The following SLC8A1 variants were observed in gnomAD, a reference collection of about 807,000 sequenced individuals.
SLC8A1 encodes sodium/calcium exchanger 1.
In SLC8A1, 18 loss-of-function variants were observed where a neutral mutation model predicts 68.3. The observed-to-expected ratio is 0.26, with a 90% confidence interval of 0.18 to 0.39. The LOEUF (loss-of-function observed/expected upper bound fraction) is 0.39, where lower values mean the gene tolerates loss of function less well. Among genes scored for constraint, SLC8A1 ranks in the 10% least tolerant of loss-of-function variants. The pLI is 1.00. For synonymous variants in SLC8A1, 475 were observed against 415.5 expected, an observed-to-expected ratio of 1.14 and a Z score of -1.74; for missense variants, 985 against 1,156.7, an observed-to-expected ratio of 0.85 and a Z score of 2.15.
chr2:40,496,610 ACT>A (rs1705719057), intron 1 of SLC8A1, among the ~76,000 whole-genome samples: 1 of 152,008 alleles, frequency 6.6e-6, no homozygotes, highest in Admixed American at 6.6e-5. Context: ...GATCCGAATT[ACT>A]TTCTCGTCTG....
chr2:40,176,199 G>A (rs2048442021), intron 3 of SLC8A1, among the ~76,000 whole-genome samples: 1 of 152,094 alleles, frequency 6.6e-6, no homozygotes, highest in African/African-American at 2.4e-5. Flanking sequence ...TCTCTCTAAT[G>A]ATGGTGGCAT....
At chr2:40,232,744 TC>T (rs1344286548) in intron 2 of SLC8A1, among the ~76,000 whole-genome samples, 6 of 51,300 alleles carry the variant, frequency 1.2e-4, no homozygotes, top group Non-Finnish European at 1.8e-4. Context: ...GTGCTATCCC[TC>T]CCCCCCCGCC....
At chr2:40,323,361 C>A (rs1273656853) in intron 2 of SLC8A1, among the ~76,000 whole-genome samples, 4 of 152,206 alleles carry the variant, frequency 2.6e-5, no homozygotes, top group African/African-American at 9.6e-5. Context: ...GCTCACAGGT[C>A]TTGCAAATAG....
chr2:40,455,946 C>G (rs2149888232), upstream of SLC8A1, among the ~76,000 whole-genome samples: 1 of 149,784 alleles, frequency 6.7e-6, no homozygotes, highest in African/African-American at 2.5e-5. Flanking sequence ...ACCACTTCCT[C>G]TGAGTCGCCA....
intron 1 of SLC8A1, among the ~76,000 whole-genome samples, chr2:40,457,921 T>C (rs1703116227): frequency 6.6e-6 from 1 of 152,184 alleles, no homozygotes; most frequent in South Asian, 2.1e-4. Context: ...TACAAAGGGA[T>C]TTGCCGAATC....
At chr2:40,211,746 C>A (rs2056615521) in intron 2 of SLC8A1, among the ~76,000 whole-genome samples, 1 of 152,132 alleles carries the variant, frequency 6.6e-6, no homozygotes, top group Non-Finnish European at 1.5e-5. Context: ...CCTTAAGGGG[C>A]TGGATTCAGC....
At chr2:40,400,336 G>T (rs534966858) in intron 2 of SLC8A1, among the ~76,000 whole-genome samples, 1 of 152,004 alleles carries the variant, frequency 6.6e-6, no homozygotes, top group Non-Finnish European at 1.5e-5. Context: ...TCCTAGAACC[G>T]AAAGATGAGG....
chr2:40,345,542 G>A (rs1429375719), intron 2 of SLC8A1, among the ~76,000 whole-genome samples: 1 of 152,032 alleles, frequency 6.6e-6, no homozygotes, highest in Admixed American at 6.6e-5. Context: ...TTTATTCCCA[G>A]AGTTGTTAAT....
At chr2:40,296,518 C>A (rs2070418108) in intron 2 of SLC8A1, among the ~76,000 whole-genome samples, 1 of 152,094 alleles carries the variant, frequency 6.6e-6, no homozygotes, top group African/African-American at 2.4e-5. Context: ...CAAAATTTTC[C>A]CTTTTTTATT....
At chr2:40,173,092 G>A (rs776666134) in intron 4 of SLC8A1, among the ~76,000 whole-genome samples, 84 of 152,226 alleles carry the variant, frequency 5.5e-4, no homozygotes, top group Non-Finnish European at 7.8e-4. Context: ...GGTGCTGTTG[G>A]ATAGTACACT....
intron 2 of SLC8A1, among the ~76,000 whole-genome samples, chr2:40,238,871 G>A (rs937893354): frequency 6.6e-6 from 1 of 151,974 alleles, no homozygotes; most frequent in Admixed American, 6.5e-5. Flanking sequence ...GTACTTTGAT[G>A]TTATTTGCAG....
intron 1 of SLC8A1, among the ~76,000 whole-genome samples, chr2:40,468,384 A>G (rs765643342): frequency 5.9e-5 from 9 of 152,134 alleles, no homozygotes; most frequent in Admixed American, 1.3e-4. Context: ...AGTTTCTTCT[A>G]ATTGACAATT....
chr2:40,392,292 T>G (rs1372784034), intron 2 of SLC8A1, among the ~76,000 whole-genome samples: 1 of 151,788 alleles, frequency 6.6e-6, no homozygotes, highest in East Asian at 1.9e-4. Flanking sequence ...CTAAAGATCT[T>G]TATCATCACA....
rs71406059 is a variant in SLC8A1 at position 40,357,497 on chromosome 2, TA to T, written c.1808+70975del. ...GGGCAACAGAGCCAGACCCTGTCTTTAAAAAAAAAAAAAAAAAAAACACAAG... is the reference window on the plus strand; with the variant it reads ...GGGCAACAGAGCCAGACCCTGTCTTTAAAAAAAAAAAAAAAAAAACACAAG... On this transcript the variant is annotated intron_variant, in intron 2 of 7. Coordinates refer to ENST00000406785, the Ensembl canonical transcript of SLC8A1. Among the ~76,000 whole-genome samples, 373 of 115,482 alleles carry T rather than the reference TA, an allele frequency of 3.2e-3. 3 individuals are homozygous for T. The highest frequency in any genetic ancestry group is 7.7e-3 in the African/African-American group (233 of 30,222). 75.8% of individuals were successfully genotyped at this position (115,482 alleles called of 152,430 possible). A position where few individuals can be genotyped will look rare whatever the true frequency, so the allele number is the denominator to read the frequency against.
At chr2:40,156,719 C>A (rs2044587903) in intron 6 of SLC8A1, among the ~76,000 whole-genome samples, 1 of 151,682 alleles carries the variant, frequency 6.6e-6, no homozygotes, top group African/African-American at 2.4e-5. Flanking sequence ...GCTCCAATAT[C>A]CAAACAAATA....
At chr2:40,323,015 T>C (rs1332852673) in intron 2 of SLC8A1, among the ~76,000 whole-genome samples, 1 of 152,182 alleles carries the variant, frequency 6.6e-6, no homozygotes, top group Non-Finnish European at 1.5e-5. Context: ...TCAATAATTT[T>C]TATAATTTAA....
Position 40,218,214 on chromosome 2 carries a change from G to T in SLC8A1, c.1809-40359C>A, listed in dbSNP as rs953826967. 2.6e-5 allele frequency among the ~76,000 whole-genome samples: 4 copies of T among 152,100 alleles called. No individual in the cohort carries two copies. The South Asian group carries it at 8.3e-4, about 32-fold the overall frequency. ...ATTTATTCTTCCTGCTACCTATTAA[G>T]GGCACCTGAACTGCTAGGCTTACAT... On this transcript the variant is annotated intron_variant, in intron 2 of 7. Coordinates refer to ENST00000406785, the Ensembl canonical transcript of SLC8A1.
chr2:40,210,409 G>C (rs2056369890), intron 2 of SLC8A1, among the ~76,000 whole-genome samples: 1 of 152,142 alleles, frequency 6.6e-6, no homozygotes, highest in South Asian at 2.1e-4. Context: ...GTTTCTAAAG[G>C]TTTCAAGGGG....
chr2:40,424,526 C>T (rs1696358967), intron 2 of SLC8A1, among the ~76,000 whole-genome samples: 1 of 151,698 alleles, frequency 6.6e-6, no homozygotes, highest in Non-Finnish European at 1.5e-5. Context: ...TATTGAGCAT[C>T]AGACAGCTAT....
Sources: allele counts gnomAD v4.1 joint callset (sites outside exome capture counted in the v4.1 genomes callset), GRCh38; gene constraint gnomAD v4.1.1; transcripts MANE v1.5; gene names NCBI Gene and HGNC (gene_info 2026-07-23, HGNC 2026-07-21).